The following KCNH8 variants were observed in gnomAD, a reference collection of about 807,000 sequenced individuals.
The protein encoded by KCNH8 is voltage-gated delayed rectifier potassium channel KCNH8.
Under a neutral mutation model 103.6 loss-of-function variants are expected in KCNH8, and 70 were observed. The observed-to-expected ratio is 0.68, with a 90% CI of 0.56 to 0.82. KCNH8 has a LOEUF of 0.82. Ranked by LOEUF, KCNH8 falls within the 40% of genes least tolerant of loss-of-function variation. The pLI is 0.00. For missense variants in KCNH8, 1,217 were observed against 1,329.9 expected (o/e 0.92, Z 1.32); for synonymous variants, 498 against 489.4 (o/e 1.02, Z -0.23).
intron 5 of KCNH8, among the ~76,000 whole-genome samples, chr3:19,375,927 G>T (rs539797647): frequency 6.6e-6 from 1 of 152,180 alleles, no homozygotes; most frequent in Non-Finnish European, 1.5e-5. Flanking sequence ...CGGGGGTCAG[G>T]GACCCACTTG....
chr3:19,488,894 TG>T (rs1243387736), intron 11 of KCNH8, among the ~76,000 whole-genome samples: 1 of 152,200 alleles, frequency 6.6e-6, no homozygotes, highest in Non-Finnish European at 1.5e-5. Context: ...AGTAGGATTA[TG>T]AGTCTGTATA....
At chr3:19,512,888 C>T (rs900285933) in intron 12 of KCNH8, 82 bp from the exon 13 acceptor site, 1 of 1,225,962 alleles carries the variant, frequency 8.2e-7, no homozygotes, top group Non-Finnish European at 1.2e-6. Flanking sequence ...TGACTTTGTT[C>T]TAATGAGACC....
At chr3:19,278,303 C>T (rs1310462813) in intron 2 of KCNH8, among the ~76,000 whole-genome samples, 1 of 151,000 alleles carries the variant, frequency 6.6e-6, no homozygotes, top group East Asian at 2.0e-4. Flanking sequence ...TTGTGTTCTT[C>T]TAAAATTGAG....
At chr3:19,517,885 C>T in intron 14 of KCNH8, 113 bp from the exon 15 acceptor site, 1 of 809,960 alleles carries the variant, frequency 1.2e-6, no homozygotes. Flanking sequence ...GCACAGACAT[C>T]AGAAAAGGTT....
intron 5 of KCNH8, among the ~76,000 whole-genome samples, chr3:19,376,102 C>T (rs1268947656): frequency 6.6e-6 from 1 of 152,206 alleles, no homozygotes; most frequent in African/African-American, 2.4e-5. Flanking sequence ...GCAGGCAGGC[C>T]TCCTTGAGCT....
rs185961695 is a variant in KCNH8, at chr3:19,517,938, G to A, written c.2543-60G>A. On this transcript the variant is annotated intron_variant, in intron 14 of 15. Transcript: ENST00000328405. ...CTTTCTTTCATATTCTAATTGCCTC[G>A]ATCCTCAAATATAAGGTTTATTCCT... 6.6e-5 allele frequency: 89 copies of A among 1,354,814 alleles called. No individual in the cohort carries two copies. The East Asian group carries it at 1.5e-3, about 23-fold the overall frequency. The allele number at this position is 1,354,814 out of a possible 1,614,324, so 83.9% of individuals were successfully genotyped here. A position where few individuals can be genotyped will look rare whatever the true frequency, so the allele number is the denominator to read the frequency against.
chr3:19,479,783 G>A (rs1390385873), intron 11 of KCNH8, among the ~76,000 whole-genome samples: 1 of 152,098 alleles, frequency 6.6e-6, no homozygotes, highest in African/African-American at 2.4e-5. Flanking sequence ...TTGTGAGTAC[G>A]CTTCATTCAT....
intron 8 of KCNH8, among the ~76,000 whole-genome samples, chr3:19,446,169 T>C (rs2067359706): frequency 1.3e-5 from 2 of 152,026 alleles, no homozygotes; most frequent in Admixed American, 6.6e-5. Flanking sequence ...AGACAAAATA[T>C]ACAGAAAAGA....
At chr3:19,398,336 C>T (rs1250393363) in intron 7 of KCNH8, among the ~76,000 whole-genome samples, 2 of 151,832 alleles carry the variant, frequency 1.3e-5, no homozygotes, top group African/African-American at 4.8e-5. Flanking sequence ...ACTAGAATAT[C>T]ATCAAAGGCT....
intron 1 of KCNH8, among the ~76,000 whole-genome samples, chr3:19,194,057 A>G (rs576091615): frequency 2.0e-5 from 3 of 151,962 alleles, no homozygotes; most frequent in Admixed American, 6.6e-5. Context: ...AACTACCTAA[A>G]TGATATATTT....
intron 1 of KCNH8, among the ~76,000 whole-genome samples, chr3:19,173,771 A>G (rs575516980): frequency 1.6e-4 from 25 of 152,216 alleles, no homozygotes; most frequent in Admixed American, 4.6e-4. Context: ...CACATAACAA[A>G]GGAGTTATAA....
chr3:19,501,103 C>T (rs542128071), intron 11 of KCNH8, among the ~76,000 whole-genome samples: 114 of 152,076 alleles, frequency 7.5e-4, no homozygotes, highest in African/African-American at 2.4e-3. Context: ...ATATCACCAC[C>T]GATCCCACAG....
chr3:19,443,632 T>C (rs2067315289), intron 8 of KCNH8, among the ~76,000 whole-genome samples: 1 of 151,658 alleles, frequency 6.6e-6, no homozygotes, highest in Non-Finnish European at 1.5e-5. Flanking sequence ...GACAAAACCA[T>C]GTGAACTTTG....
intron 3 of KCNH8, among the ~76,000 whole-genome samples, chr3:19,336,935 G>A (rs937214060): frequency 2.6e-5 from 4 of 151,902 alleles, no homozygotes; most frequent in African/African-American, 7.2e-5. Flanking sequence ...ATATTTCAGC[G>A]TATGACCTTT....
rs554585406 is a variant in KCNH8 at position 19,367,575 on chromosome 3, A to G, written c.811+19610A>G. On this transcript the variant is annotated intron_variant, in intron 5 of 15. Transcript: ENST00000328405. ...AATATAGTATTTAATAACATATTTA[A>G]TATTTGCATAATATTCCATCATATA... Among the ~76,000 whole-genome samples, 16 of 151,570 alleles carry G rather than the reference A, an allele frequency of 1.1e-4. 1 individual carries two copies. The South Asian group carries it at 3.3e-3, about 31-fold the overall frequency.
chr3:19,406,017 A>G (rs1462354216), intron 7 of KCNH8, among the ~76,000 whole-genome samples: 1 of 152,056 alleles, frequency 6.6e-6, no homozygotes, highest in Non-Finnish European at 1.5e-5. Context: ...GAGCTAGTTG[A>G]TCTCTAAAAT....
intron 8 of KCNH8, among the ~76,000 whole-genome samples, chr3:19,440,415 C>T (rs576476661): frequency 9.9e-5 from 15 of 152,260 alleles, no homozygotes; most frequent in African/African-American, 3.6e-4. Flanking sequence ...AATGGATTCA[C>T]GGTTCCACAT....
At chr3:19,463,702 T>G (rs1282338966) in intron 11 of KCNH8, among the ~76,000 whole-genome samples, 1 of 152,130 alleles carries the variant, frequency 6.6e-6, no homozygotes, top group African/African-American at 2.4e-5. Flanking sequence ...TTAGTCCATT[T>G]AAATATATAT....
At chr3:19,451,051 A>G in intron 9 of KCNH8, 104 bp from the exon 10 acceptor site, 1 of 1,145,384 alleles carries the variant, frequency 8.7e-7, no homozygotes, top group Non-Finnish European at 1.3e-6. Flanking sequence ...CTGGATGGCC[A>G]AACAGCAGGA....
Sources: gnomAD v4.1 joint callset for allele counts (sites outside exome capture counted in the v4.1 genomes callset) on GRCh38, gnomAD v4.1.1 for gene constraint, MANE v1.5 for transcripts, NCBI Gene and HGNC (gene_info 2026-07-23, HGNC 2026-07-21) for gene names.